The following PARD3 variants were observed in gnomAD, a reference collection of about 807,000 sequenced individuals.
PARD3 encodes partitioning defective 3 homolog.
Under a neutral mutation model 155.4 loss-of-function variants are expected in PARD3, and 75 were observed. That is an observed-to-expected ratio of 0.48 (90% CI 0.40 to 0.58). The LOEUF (loss-of-function observed/expected upper bound fraction) is 0.58. Among genes scored for constraint, PARD3 ranks in the 20% least tolerant of loss-of-function variants. PARD3 has a pLI of 0.00. For synonymous variants in PARD3, 576 were observed against 610.5 expected, an observed-to-expected ratio of 0.94 and a Z score of 0.83; for missense variants, 1,642 against 1,721.7, an observed-to-expected ratio of 0.95 and a Z score of 0.82.
intron 20 of PARD3, among the ~76,000 whole-genome samples, chr10:34,285,083 C>G (rs1267013135): frequency 6.6e-6 from 1 of 152,130 alleles, no homozygotes; most frequent in Non-Finnish European, 1.5e-5. Context: ...GACCATATTG[C>G]CTGGAATGCA....
At chr10:34,587,293 T>G (rs1291400188) in intron 2 of PARD3, among the ~76,000 whole-genome samples, 1 of 152,070 alleles carries the variant, frequency 6.6e-6, no homozygotes, top group Non-Finnish European at 1.5e-5. Context: ...TGGCTAATTT[T>G]TATATTTTTA....
At chr10:34,711,793 CA>C (rs773272358) in intron 1 of PARD3, among the ~76,000 whole-genome samples, 2 of 152,082 alleles carry the variant, frequency 1.3e-5, no homozygotes, top group Non-Finnish European at 2.9e-5. Flanking sequence ...TCCTAGCTGC[CA>C]AAAGAAATGC....
At chr10:34,671,807 G>C (rs762208390) in intron 2 of PARD3, among the ~76,000 whole-genome samples, 40 of 152,128 alleles carry the variant, frequency 2.6e-4, no homozygotes, top group Non-Finnish European at 4.6e-4. Context: ...GCACTCCTAA[G>C]GTAAAAAAGA....
intron 2 of PARD3, among the ~76,000 whole-genome samples, chr10:34,552,275 A>T (rs2084641522): frequency 6.6e-6 from 1 of 152,074 alleles, no homozygotes; most frequent in Non-Finnish European, 1.5e-5. Flanking sequence ...ACTTGGCTAA[A>T]TTTTTTTATC....
At chr10:34,542,552 T>C (rs2133896752) in intron 2 of PARD3, among the ~76,000 whole-genome samples, 1 of 152,312 alleles carries the variant, frequency 6.6e-6, no homozygotes, top group South Asian at 2.1e-4. Flanking sequence ...GGCCACTAAC[T>C]GACCCTATAC....
At chr10:34,686,873 A>AC (rs1181430906) in intron 2 of PARD3, among the ~76,000 whole-genome samples, 1 of 151,962 alleles carries the variant, frequency 6.6e-6, no homozygotes, top group Non-Finnish European at 1.5e-5. Context: ...ACATGGTGAA[A>AC]CCCTGTCTCT....
chr10:34,228,394 C>T (rs1396962863), intron 22 of PARD3, among the ~76,000 whole-genome samples: 1 of 151,830 alleles, frequency 6.6e-6, no homozygotes, highest in African/African-American at 2.4e-5. Flanking sequence ...ACCCCCGAAC[C>T]AAAACATAAA....
intron 2 of PARD3, among the ~76,000 whole-genome samples, chr10:34,573,270 C>A (rs146211754): frequency 0.025 from 3,739 of 152,224 alleles, 149 homozygotes; most frequent in African/African-American, 0.086. Context: ...GTTGGAGGAT[C>A]ACCTGAGCCC....
chr10:34,485,548 G>A (rs1377908616), intron 3 of PARD3, among the ~76,000 whole-genome samples: 11 of 152,184 alleles, frequency 7.2e-5, no homozygotes, highest in African/African-American at 9.6e-5. Context: ...AAGGGATTCC[G>A]GGTCATAGAT....
rs1198864136 is a variant in PARD3 at position 34,684,872 on chromosome 10, C to CACACAT, written c.222+11440_222+11445dup. 4.7e-3 allele frequency among the ~76,000 whole-genome samples: 448 copies of CACACAT among 96,006 alleles called. 3 individuals are homozygous for CACACAT. Among genetic ancestry groups the CACACAT allele is most frequent in the Non-Finnish European group, 6.3e-3 (302 of 48,088 alleles). The allele number at this position is 96,006 out of a possible 152,430, so 63.0% of individuals were successfully genotyped here. On this transcript the variant is annotated intron_variant, in intron 2 of 24. Transcript: ENST00000374788. Reference sequence around the variant, plus strand: ...ATATATATACATGTATATATATACACACACATACACACACACACACACACA... The same window carrying CACACAT: ...ATATATATACATGTATATATATACACACACATACACATACACACACACACACACACA...
At chr10:34,731,149 T>C (rs536248786) in intron 1 of PARD3, among the ~76,000 whole-genome samples, 57 of 152,356 alleles carry the variant, frequency 3.7e-4, no homozygotes, top group African/African-American at 1.3e-3. Flanking sequence ...CTCACCTTTA[T>C]AATGATCTTC....
At chr10:34,311,956 GTT>G (rs560955079) in intron 20 of PARD3, among the ~76,000 whole-genome samples, 272 of 152,238 alleles carry the variant, frequency 1.8e-3, no homozygotes, top group Non-Finnish European at 2.9e-3. Flanking sequence ...GTCACTGGTG[GTT>G]ACACAACACA....
chr10:34,794,122 G>T (rs1029310091), intron 1 of PARD3, among the ~76,000 whole-genome samples: 1 of 151,974 alleles, frequency 6.6e-6, no homozygotes, highest in African/African-American at 2.4e-5. Flanking sequence ...GTGGGGGTTG[G>T]GGGGACTCAT....
rs181356221 is a variant in PARD3 at position 34,174,245 on chromosome 10, G to A, written c.3420-42662C>T. The stretch of plus-strand genomic sequence containing the variant: ...AGATACTACCATCATAAATTCATCC[G>A]GTGAGAATTAACAACTATATGCATG... On this transcript the variant is annotated intron_variant, in intron 22 of 24. Coordinates refer to ENST00000374788, the MANE Select transcript of PARD3 (RefSeq NM_001184785.2). Among the ~76,000 whole-genome samples, 55 of 152,228 alleles carry A rather than the reference G, an allele frequency of 3.6e-4. 1 individual carries two copies. Among genetic ancestry groups the A allele is most frequent in the Middle Eastern group, 6.8e-3 (2 of 294 alleles).
chr10:34,321,024 AATC>A (rs1958340979), intron 19 of PARD3, among the ~76,000 whole-genome samples: 2 of 152,174 alleles, frequency 1.3e-5, no homozygotes, highest in Non-Finnish European at 2.9e-5. Context: ...GATAGAGAAA[AATC>A]TTTATCCTGC....
At chr10:34,590,375 CTT>C (rs1391775500) in intron 2 of PARD3, among the ~76,000 whole-genome samples, 9 of 152,198 alleles carry the variant, frequency 5.9e-5, no homozygotes, top group African/African-American at 2.2e-4. Flanking sequence ...ATGCCTTCTC[CTT>C]TTGTTTTCCC....
chr10:34,115,389 C>T (rs999352811), intron 24 of PARD3, among the ~76,000 whole-genome samples: 6 of 151,988 alleles, frequency 3.9e-5, no homozygotes, highest in African/African-American at 1.5e-4. Context: ...TGACTACGCA[C>T]GCCTCTATTC....
intron 2 of PARD3, among the ~76,000 whole-genome samples, chr10:34,566,929 A>T (rs2085995751): frequency 6.6e-6 from 1 of 152,200 alleles, no homozygotes; most frequent in Non-Finnish European, 1.5e-5. Flanking sequence ...AATGACAAGA[A>T]TATTTCTAAA....
chr10:34,359,050 T>C, intron 14 of PARD3, 97 bp downstream of exon 14: 1 of 762,974 alleles, frequency 1.3e-6, no homozygotes, highest in Non-Finnish European at 2.2e-6. Context: ...GGTCTTTTGA[T>C]GTAAGGTCCT....
Sources: allele counts gnomAD v4.1 joint callset (sites outside exome capture counted in the v4.1 genomes callset), GRCh38; gene constraint gnomAD v4.1.1; transcripts MANE v1.5; gene names NCBI Gene and HGNC (gene_info 2026-07-23, HGNC 2026-07-21).